Variants in GNA15 observed in about 807,000 individuals in gnomAD.
GNA15 encodes G protein subunit alpha 15.
Under a neutral mutation model 40.1 loss-of-function variants are expected in GNA15, and 23 were observed. The ratio of observed to expected loss-of-function variants is 0.57; its 90% CI spans 0.41 to 0.81. The LOEUF is 0.81. GNA15 is among the 40% of genes least tolerant of loss of function. GNA15 has a pLI of 0.00. For synonymous variants in GNA15, 226 were observed against 210.4 expected (o/e 1.07, Z -0.64); for missense variants, 522 against 515.8 (o/e 1.01, Z -0.12).
intron 4 of GNA15, among the ~76,000 whole-genome samples, chr19:3,152,431 G>T (rs1434398238): frequency 6.6e-6 from 1 of 152,138 alleles, no homozygotes; most frequent in Non-Finnish European, 1.5e-5. Flanking sequence ...GGTGATGGGG[G>T]TAGACAGTGG....
At position 3,151,564 on chromosome 19, in the gene GNA15, G is replaced by A. The variant is rs1599326247; in HGVS notation, c.486-143G>A. 3 of 897,872 alleles carry A rather than the reference G, an allele frequency of 3.3e-6. No individual in the cohort carries two copies. Among genetic ancestry groups the A allele is most frequent in the South Asian group, 2.0e-5 (1 of 49,834 alleles). 55.6% of individuals were successfully genotyped at this position (897,872 alleles called of 1,614,324 possible). On this transcript the variant is annotated intron_variant, in intron 3 of 6. Coordinates refer to ENST00000262958, the MANE Select transcript of GNA15 (RefSeq NM_002068.4). This position sits in a 1 kb window ranked among gnomAD's most constrained non-coding sequence, Gnocchi z 5.0. ...TTGCCTCAGGTGGGGGACGCTCCTG[G>A]GCCATCTGCCAACTCCAGGGACCCC...
chr19:3,150,000 C>A, intron 2 of GNA15, 131 bp from the exon 3 acceptor site: 1 of 719,108 alleles, frequency 1.4e-6, no homozygotes, highest in Non-Finnish European at 2.3e-6. Context: ...GGGTCGGGAG[C>A]TCTGGGGAAG....
In GNA15 at chr19:3,148,605, G is replaced by T; in HGVS notation, c.160G>T (p.Gly54Trp). The change falls in exon 2 of 7, where the codon GGG (glycine) becomes TGG (tryptophan). Residue 54 changes from glycine to tryptophan, a missense_variant. Transcript: ENST00000262958. ...KLLLLGPGES[G>W]KSTFIKQMRI... ...TCCATCCCCAGGCCCAGGCGAGAGC[G>T]GGAAGAGCACCTTCATCAAGCAGAT... 1 of 1,581,332 alleles carries T rather than the reference G, an allele frequency of 6.3e-7. No homozygotes were observed.
rs947079522 is a variant in GNA15 at position 3,151,330 on chromosome 19, A to G, written c.486-377A>G. 1.3e-5 allele frequency among the ~76,000 whole-genome samples: 2 copies of G among 152,126 alleles called. No individual in the cohort carries two copies. The highest frequency in any genetic ancestry group is 1.5e-5 in the Non-Finnish European group (1 of 67,954). On this transcript the variant is annotated intron_variant, in intron 3 of 6. Coordinates refer to ENST00000262958, the MANE Select transcript of GNA15 (RefSeq NM_002068.4). The surrounding 1 kb of genome is among the most constrained non-coding windows in gnomAD (Gnocchi z 5.0). The stretch of plus-strand genomic sequence containing the variant: ...TGGGGGTGACCCTATTCCTAGTGGG[A>G]TCCTGTACTAGGTGTGATGGTGGAT...
In GNA15 at chr19:3,151,053, TG is replaced by T. The variant is rs903081389; in HGVS notation, c.486-648del. On this transcript the variant is annotated intron_variant, in intron 3 of 6. Transcript: ENST00000262958. This position sits in a 1 kb window ranked among gnomAD's most constrained non-coding sequence, Gnocchi z 5.0. Reference sequence around the variant, plus strand: ...CCTGTTCTTGGAGGGACCCTGTTCCTGGGGGGACCTTGTTCCTGGGGGAACC... The same window carrying T: ...CCTGTTCTTGGAGGGACCCTGTTCCTGGGGGACCTTGTTCCTGGGGGAACC... Among the ~76,000 whole-genome samples the T allele has an allele frequency of 1.3e-5, 2 of 151,058 alleles. No individual in the cohort carries two copies. The highest frequency in any genetic ancestry group is 3.0e-5 in the Non-Finnish European group (2 of 67,602).
chr19:3,140,651 A>G (rs979903390), intron 1 of GNA15, among the ~76,000 whole-genome samples: 1 of 152,234 alleles, frequency 6.6e-6, no homozygotes, highest in Non-Finnish European at 1.5e-5. Context: ...ACAAAAGGGT[A>G]GGGACCACAT....
At chr19:3,138,343 C>T (rs1914498405) in intron 1 of GNA15, among the ~76,000 whole-genome samples, 1 of 131,148 alleles carries the variant, frequency 7.6e-6, no homozygotes, top group Admixed American at 8.2e-5. Flanking sequence ...TTACCTTTCC[C>T]TGATTATGGC....
In GNA15 at chr19:3,155,632, C is replaced by G. The variant is rs1031812353; in HGVS notation, c.615-191C>G. Reference sequence around the variant, plus strand: ...TCCCCGCTCCTCCCTGGATCTCAGGCTTCTCATCTGTAAAATGGGCGTAAG... The same window carrying G: ...TCCCCGCTCCTCCCTGGATCTCAGGGTTCTCATCTGTAAAATGGGCGTAAG... On this transcript the variant is annotated intron_variant, in intron 4 of 6. Transcript: ENST00000262958. This position sits in a 1 kb window ranked among gnomAD's most constrained non-coding sequence, Gnocchi z 5.6. Among the ~76,000 whole-genome samples the G allele has an allele frequency of 1.3e-5, 2 of 152,178 alleles. No individual in the cohort carries two copies. Among genetic ancestry groups the G allele is most frequent in the Non-Finnish European group, 2.9e-5 (2 of 68,028 alleles).
In GNA15 at chr19:3,151,100, T is replaced by G. The variant is rs73921251; in HGVS notation, c.486-607T>G. On this transcript the variant is annotated intron_variant, in intron 3 of 6. Transcript: ENST00000262958. This position sits in a 1 kb window ranked among gnomAD's most constrained non-coding sequence, Gnocchi z 5.0. ...GAACCCTATTCCTAGAGAACCCTGT[T>G]CCCGGAGTGACCCTATTCCTGGCGG... Among the ~76,000 whole-genome samples, 2,062 of 151,890 alleles carry G rather than the reference T, an allele frequency of 0.014. 46 individuals carry two copies. The highest frequency in any genetic ancestry group is 0.048 in the African/African-American group (1,997 of 41,402).
intron 1 of GNA15, among the ~76,000 whole-genome samples, chr19:3,144,711 G>A (rs912487109): frequency 1.3e-5 from 2 of 150,448 alleles, no homozygotes; most frequent in African/African-American, 4.9e-5. Flanking sequence ...TGTATTTTTA[G>A]TAGAGACGGG....
Position 3,151,960 on chromosome 19 carries a change from C to G in GNA15, c.614+125C>G. Reference sequence around the variant, plus strand: ...GCCCAGCCTTCAAGGAGCTGCCAAGCTAGGGGAAGCAAAGCTCCATGTAGA... The same window carrying G: ...GCCCAGCCTTCAAGGAGCTGCCAAGGTAGGGGAAGCAAAGCTCCATGTAGA... On this transcript the variant is annotated intron_variant, in intron 4 of 6. Coordinates refer to ENST00000262958, the MANE Select transcript of GNA15 (RefSeq NM_002068.4). This position sits in a 1 kb window ranked among gnomAD's most constrained non-coding sequence, Gnocchi z 5.0. 1 of 659,876 alleles carries G rather than the reference C, an allele frequency of 1.5e-6. No individual in the cohort carries two copies. The highest frequency in any genetic ancestry group is 3.2e-5 in the East Asian group (1 of 31,354). The allele number at this position is 659,876 out of a possible 1,614,324, so 40.9% of individuals were successfully genotyped here. A position where few individuals can be genotyped will look rare whatever the true frequency, so the allele number is the denominator to read the frequency against.
chr19:3,153,896 T>G (rs1428359730), intron 4 of GNA15, among the ~76,000 whole-genome samples: 124 of 114,402 alleles, frequency 1.1e-3, no homozygotes, highest in Middle Eastern at 8.5e-3. Flanking sequence ...TGGATGGGGG[T>G]GTGGGTGGGT....
Position 3,145,359 on chromosome 19 carries a change from A to ATATATATACTT in GNA15, c.146-3231_146-3230insATATATACTTT. 3.5e-3 allele frequency among the ~76,000 whole-genome samples: 164 copies of ATATATATACTT among 46,966 alleles called. 1 individual carries two copies. Among genetic ancestry groups the ATATATATACTT allele is most frequent in the African/African-American group, 0.014 (152 of 10,914 alleles). 30.8% of individuals were successfully genotyped at this position (46,966 alleles called of 152,430 possible). ...TAAATATATATATATATATATATAT[A>ATATATATACTT]TTTTTTTTTTTTTGTAGAGATGGGG... On this transcript the variant is annotated intron_variant, in intron 1 of 6. Coordinates refer to ENST00000262958, the MANE Select transcript of GNA15 (RefSeq NM_002068.4).
chr19:3,148,800 C>T (rs765452996), intron 2 of GNA15, 25 bp downstream of exon 2: 11 of 1,565,894 alleles, frequency 7.0e-6, no homozygotes, highest in Non-Finnish European at 9.5e-6. Context: ...CAGGCAGGGG[C>T]CCAGGGCAGG....
In GNA15 at chr19:3,155,854, C is replaced by A; in HGVS notation, c.646C>A (p.Arg216Ser). The A allele has an allele frequency of 6.2e-7, 1 of 1,613,882 alleles. No individual in the cohort carries two copies. The highest frequency in any genetic ancestry group is 8.5e-7 in the Non-Finnish European group (1 of 1,179,972). ...GGACGTCGGGGGCCAGAAGTCAGAG[C>A]GTAAGAAATGGATCCATTGTTTCGA... ...IVDVGGQKSERKKWIHCFENV... is the reference protein window; with the variant it reads ...IVDVGGQKSESKKWIHCFENV... Residue 216 changes from arginine to serine, a missense_variant, in exon 5 of 7, where the codon CGT becomes AGT. Physicochemically the swap from Arg to Ser is moderately radical, Grantham distance 110 (BLOSUM62 -1). Coordinates refer to ENST00000262958, the MANE Select transcript of GNA15 (RefSeq NM_002068.4). This position sits in a 1 kb window ranked among gnomAD's most constrained non-coding sequence, Gnocchi z 5.6.
At chr19:3,145,359 A>ATATATATATATATATATATATT in intron 1 of GNA15, among the ~76,000 whole-genome samples, 17 of 46,960 alleles carry the variant, frequency 3.6e-4, no homozygotes, top group East Asian at 3.0e-3. Flanking sequence ...ATATATATAT[A>ATATATATATATATATATATATT]TTTTTTTTTT....
At chr19:3,158,334 C>T (rs139334639) in intron 6 of GNA15, among the ~76,000 whole-genome samples, 111 of 151,764 alleles carry the variant, frequency 7.3e-4, no homozygotes, top group Non-Finnish European at 1.3e-3. Flanking sequence ...GTTTTTAGTA[C>T]GAAAAGACGG....
chr19:3,144,051 G>T (rs1914639109), intron 1 of GNA15, among the ~76,000 whole-genome samples: 1 of 151,508 alleles, frequency 6.6e-6, no homozygotes, highest in African/African-American at 2.4e-5. Context: ...GTGAACCCGG[G>T]AGGTGGAGCT....
intron 6 of GNA15, among the ~76,000 whole-genome samples, chr19:3,160,300 C>G (rs1469302516): frequency 6.6e-6 from 1 of 152,172 alleles, no homozygotes; most frequent in Non-Finnish European, 1.5e-5. Context: ...TCTCTCTCCT[C>G]CCCTTTCTCC....
Sources: gnomAD v4.1 joint callset for allele counts (sites outside exome capture counted in the v4.1 genomes callset) on GRCh38, gnomAD v4.1.1 for gene constraint, Gnocchi (gnomAD v3.1) non-coding constraint, MANE v1.5 for transcripts, NCBI Gene and HGNC (gene_info 2026-07-23, HGNC 2026-07-21) for gene names.